EXO1: variants seen among roughly 807,000 people sequenced by gnomAD.
EXO1 encodes exonuclease 1.
Under a neutral mutation model 84.5 loss-of-function variants are expected in EXO1, and 69 were observed. That is an observed-to-expected ratio of 0.82 (90% CI 0.67 to 1.00). The LOEUF (loss-of-function observed/expected upper bound fraction) is 1.00, where lower values mean the gene tolerates loss of function less well. Ranked by LOEUF, EXO1 falls within the 50% of genes least tolerant of loss-of-function variation. EXO1 has a pLI of 0.00. For synonymous variants in EXO1, 373 were observed against 366.1 expected (o/e 1.02, Z -0.21); for missense variants, 1,045 against 1,000.7 (o/e 1.04, Z -0.60).
intron 12 of EXO1, 138 bp downstream of exon 12, chr1:241,872,416 A>G (rs1306687030): frequency 1.2e-6 from 1 of 858,356 alleles, no homozygotes; most frequent in Non-Finnish European, 1.9e-6. Context: ...CAGTTTTGTT[A>G]CATGGGTATA....
In EXO1 at chr1:241,848,282, G is replaced by A. The variant is rs903348559; in HGVS notation, c.-491G>A. ...GGGTGCTCTGGCCACAGTGAGTTAG[G>A]GGCGTCGGAGCGGGTTTCTCCAACC... On this transcript the variant is annotated 5_prime_UTR_variant, in exon 1 of 16. Coordinates refer to ENST00000366548, the MANE Select transcript of EXO1 (RefSeq NM_130398.4). The surrounding 1 kb of genome is among the most constrained non-coding windows in gnomAD (Gnocchi z 4.2). 1 of 152,506 alleles carries A rather than the reference G, an allele frequency of 6.6e-6. No individual in the cohort carries two copies. The highest frequency in any genetic ancestry group is 2.4e-5 in the African/African-American group (1 of 41,476). 9.4% of individuals were successfully genotyped at this position (152,506 alleles called of 1,614,324 possible). A position where few individuals can be genotyped will look rare whatever the true frequency, so the allele number is the denominator to read the frequency against.
intron 9 of EXO1, 60 bp from the exon 10 acceptor site, chr1:241,861,346 G>T: frequency 1.2e-6 from 1 of 867,140 alleles, no homozygotes. Flanking sequence ...TTCCATCTTA[G>T]TATAATATCA....
At chr1:241,861,345 A>G (rs1265554102) in intron 9 of EXO1, 61 bp from the exon 10 acceptor site, 5 of 857,278 alleles carry the variant, frequency 5.8e-6, no homozygotes, top group Non-Finnish European at 8.1e-6. Context: ...TTTCCATCTT[A>G]GTATAATATC....
At chr1:241,866,346 T>C (rs1270659239) in intron 10 of EXO1, among the ~76,000 whole-genome samples, 1 of 152,130 alleles carries the variant, frequency 6.6e-6, no homozygotes, top group African/African-American at 2.4e-5. Flanking sequence ...GCTCCTGACC[T>C]CAAGTGATCC....
chr1:241,877,721 A>AT (rs113558370), intron 12 of EXO1, among the ~76,000 whole-genome samples: 5 of 151,584 alleles, frequency 3.3e-5, no homozygotes, highest in East Asian at 3.9e-4. Context: ...TTTCATTGGA[A>AT]TTTTTTTTTA....
intron 11 of EXO1, among the ~76,000 whole-genome samples, chr1:241,870,622 C>T (rs1413224533): frequency 6.6e-6 from 1 of 152,170 alleles, no homozygotes; most frequent in Non-Finnish European, 1.5e-5. Context: ...TGATATTTGC[C>T]AGTTGCTGTT....
Position 241,852,308 on chromosome 1 carries a change from A to G in EXO1, c.178A>G (p.Met60Val). ...EPTDRYVGFC[M>V]KFVNMLLSHG... ...TTTCCATAGGTATGTAGGATTTTGTATGAAATTTGTAAATATGTTACTATC... is the reference window on the plus strand; with the variant it reads ...TTTCCATAGGTATGTAGGATTTTGTGTGAAATTTGTAAATATGTTACTATC... The change falls in exon 5 of 16, where the codon ATG becomes GTG. Residue 60 changes from methionine (M) to valine (V), a missense_variant. By Grantham distance (21) the Met-to-Val change is conservative. Transcript: ENST00000366548. 1.2e-6 allele frequency: 2 copies of G among 1,602,816 alleles called. No homozygotes were observed. Among genetic ancestry groups the G allele is most frequent in the Non-Finnish European group, 1.7e-6 (2 of 1,170,716 alleles).
intron 15 of EXO1, among the ~76,000 whole-genome samples, chr1:241,886,295 AG>A (rs1435486177): frequency 1.3e-5 from 2 of 152,266 alleles, no homozygotes; most frequent in African/African-American, 4.8e-5. Flanking sequence ...CTGTTTTAAA[AG>A]AATTCATCTT....
intron 6 of EXO1, among the ~76,000 whole-genome samples, chr1:241,856,318 C>T (rs1661034664): frequency 6.6e-6 from 1 of 150,496 alleles, no homozygotes; most frequent in African/African-American, 2.4e-5. Context: ...AACCATTTTC[C>T]CATAGTTTAG....
intron 11 of EXO1, among the ~76,000 whole-genome samples, chr1:241,870,679 T>G (rs975267647): frequency 3.3e-5 from 5 of 152,244 alleles, no homozygotes; most frequent in African/African-American, 7.2e-5. Flanking sequence ...GTTAACTCAT[T>G]CCTCTTACAA....
chr1:241,878,486 ACT>A (rs902403212), intron 12 of EXO1, among the ~76,000 whole-genome samples: 1 of 108,566 alleles, frequency 9.2e-6, no homozygotes, highest in Non-Finnish European at 1.9e-5. Flanking sequence ...ACAGAGAGAG[ACT>A]CTGTCTCAAA....
At position 241,885,516 on chromosome 1, in the gene EXO1, C is replaced by T. The variant is rs1663012616; in HGVS notation, c.2405+9C>T. On this transcript the variant is annotated intron_variant, in intron 15 of 15. Transcript: ENST00000366548. ...AACTTTGGATTTAAAAAGTGAGTTG[C>T]CTTGTTTCTTATTCTGAAACAAGAT... 6.3e-7 allele frequency: 1 copy of T among 1,594,164 alleles called. No homozygotes were observed. Among genetic ancestry groups the T allele is most frequent in the African/African-American group, 1.3e-5 (1 of 74,538 alleles).
intron 6 of EXO1, among the ~76,000 whole-genome samples, chr1:241,855,281 C>G (rs1776159): frequency 0.5 from 76,015 of 151,816 alleles, 19,254 homozygotes; most frequent in East Asian, 0.71. Flanking sequence ...TCCACTGTCC[C>G]CATCAGATTA....
chr1:241,855,918 C>T (rs1308267484), intron 6 of EXO1, among the ~76,000 whole-genome samples: 3 of 152,184 alleles, frequency 2.0e-5, no homozygotes, highest in Admixed American at 6.5e-5. Flanking sequence ...CCAGCTGGCC[C>T]GCAAGCACCG....
chr1:241,870,807 T>A (rs1456919771), intron 11 of EXO1, among the ~76,000 whole-genome samples: 1 of 152,214 alleles, frequency 6.6e-6, no homozygotes, highest in Non-Finnish European at 1.5e-5. Context: ...TCTTAAAGTT[T>A]TGGTTACAGT....
At chr1:241,866,709 A>C (rs143465250) in intron 10 of EXO1, 121 bp from the exon 11 acceptor site, 130 of 766,064 alleles carry the variant, frequency 1.7e-4, no homozygotes, top group Non-Finnish European at 2.7e-4. Flanking sequence ...CAGCTGTTTC[A>C]TCAACAGCTA....
At chr1:241,884,611 G>GA (rs1662941453) in intron 14 of EXO1, among the ~76,000 whole-genome samples, 1 of 151,970 alleles carries the variant, frequency 6.6e-6, no homozygotes, top group Non-Finnish European at 1.5e-5. Flanking sequence ...TATTAAGTGA[G>GA]AAAAATGAAG....
intron 15 of EXO1, among the ~76,000 whole-genome samples, chr1:241,888,563 T>C (rs1663192361): frequency 6.6e-6 from 1 of 152,190 alleles, no homozygotes; most frequent in African/African-American, 2.4e-5. Context: ...CTTGGGACTC[T>C]CCAGGGGTTG....
chr1:241,868,084 A>T (rs1291855367), intron 11 of EXO1, among the ~76,000 whole-genome samples: 4 of 152,040 alleles, frequency 2.6e-5, no homozygotes, highest in African/African-American at 9.7e-5. Flanking sequence ...CCACAAAAAA[A>T]ATTTTTAAGG....
Sources: gnomAD v4.1 joint callset for allele counts (sites outside exome capture counted in the v4.1 genomes callset) on GRCh38, gnomAD v4.1.1 for gene constraint, Gnocchi (gnomAD v3.1) non-coding constraint, MANE v1.5 for transcripts, NCBI Gene and HGNC (gene_info 2026-07-23, HGNC 2026-07-21) for gene names.